The following NALF1 variants were observed in gnomAD, a reference collection of about 807,000 sequenced individuals.
NALF1 encodes the protein NALCN channel auxiliary factor 1.
In NALF1, 3 loss-of-function variants were observed where a neutral mutation model predicts 48.4. The observed-to-expected ratio is 0.06, with a 90% confidence interval of 0.03 to 0.16. The LOEUF (loss-of-function observed/expected upper bound fraction) is 0.16. NALF1 is among the 10% of genes least tolerant of loss of function. NALF1 has a pLI of 1.00. For synonymous variants in NALF1, 262 were observed against 245.7 expected (o/e 1.07, Z -0.62); for missense variants, 526 against 571.5 (o/e 0.92, Z 0.81).
At chr13:107,613,641 C>G (rs1316423124) in intron 1 of NALF1, among the ~76,000 whole-genome samples, 1 of 152,196 alleles carries the variant, frequency 6.6e-6, no homozygotes, top group African/African-American at 2.4e-5. Flanking sequence ...AAAAACAAAT[C>G]ACTACTTTAT....
At chr13:107,381,425 T>G (rs934810617) in intron 1 of NALF1, among the ~76,000 whole-genome samples, 4 of 152,068 alleles carry the variant, frequency 2.6e-5, no homozygotes, top group African/African-American at 9.7e-5. Context: ...CTTGAACTCC[T>G]GGGCTCAAAC....
intron 1 of NALF1, among the ~76,000 whole-genome samples, chr13:107,845,301 A>C (rs1257994237): frequency 1.3e-5 from 2 of 152,200 alleles, no homozygotes. Flanking sequence ...TCCTTTTCCA[A>C]GTGGTGATGA....
intron 1 of NALF1, among the ~76,000 whole-genome samples, chr13:107,228,773 A>C (rs1880159860): frequency 6.6e-6 from 1 of 152,050 alleles, no homozygotes; most frequent in South Asian, 2.1e-4. Flanking sequence ...GGCATGCGCC[A>C]CCACACCCGG....
chr13:107,847,098 AAAAG>A (rs1184765919), intron 1 of NALF1, among the ~76,000 whole-genome samples: 1 of 152,160 alleles, frequency 6.6e-6, no homozygotes, highest in African/African-American at 2.4e-5. Flanking sequence ...TTTGGGGAAA[AAAAG>A]AAAACTTGAA....
chr13:107,204,865 C>A (rs1021472852), intron 2 of NALF1, among the ~76,000 whole-genome samples: 3 of 151,492 alleles, frequency 2.0e-5, no homozygotes, highest in African/African-American at 4.9e-5. Flanking sequence ...GAAAAAAAAA[C>A]CTGATTTTAA....
At chr13:107,830,974 T>C (rs1306249910) in intron 1 of NALF1, among the ~76,000 whole-genome samples, 1 of 152,210 alleles carries the variant, frequency 6.6e-6, no homozygotes, top group Non-Finnish European at 1.5e-5. Context: ...GCAAAGAGCA[T>C]GGGCTGACAG....
chr13:107,720,203 C>G (rs1432148820), intron 1 of NALF1, among the ~76,000 whole-genome samples: 1 of 152,174 alleles, frequency 6.6e-6, no homozygotes, highest in Non-Finnish European at 1.5e-5. Context: ...ATAATGTGCT[C>G]TATTCAATTT....
chr13:107,264,835 T>G (rs1881008496), intron 1 of NALF1, among the ~76,000 whole-genome samples: 1 of 152,220 alleles, frequency 6.6e-6, no homozygotes, highest in African/African-American at 2.4e-5. Context: ...GACTTTGACA[T>G]TGTTCATTTT....
intron 1 of NALF1, among the ~76,000 whole-genome samples, chr13:107,422,504 C>T (rs1298191022): frequency 6.8e-6 from 1 of 148,110 alleles, no homozygotes; most frequent in Non-Finnish European, 1.5e-5. Context: ...ATCATCATCA[C>T]ATTCAGGACA....
intron 1 of NALF1, among the ~76,000 whole-genome samples, chr13:107,453,698 T>G (rs1884779986): frequency 1.3e-5 from 2 of 152,248 alleles, no homozygotes; most frequent in Non-Finnish European, 2.9e-5. Context: ...CTTGGATTTC[T>G]CCTAAGGAAA....
chr13:107,529,688 G>A (rs767040151), intron 1 of NALF1, among the ~76,000 whole-genome samples: 4 of 152,116 alleles, frequency 2.6e-5, no homozygotes, highest in Non-Finnish European at 4.4e-5. Context: ...TGTGTGTGAT[G>A]ATTGGAAGAT....
chr13:107,604,855 T>C (rs1212151775), intron 1 of NALF1, among the ~76,000 whole-genome samples: 1 of 152,096 alleles, frequency 6.6e-6, no homozygotes, highest in African/African-American at 2.4e-5. Flanking sequence ...CCTCTCAATC[T>C]CATGTTAGCC....
At chr13:107,439,963 C>T (rs1240299059) in intron 1 of NALF1, among the ~76,000 whole-genome samples, 1 of 152,130 alleles carries the variant, frequency 6.6e-6, no homozygotes, top group African/African-American at 2.4e-5. Flanking sequence ...GAAAAAAAAC[C>T]TACCTGCTTT....
Position 107,516,700 on chromosome 13 carries a change from G to A in NALF1, c.916-305945C>T, listed in dbSNP as rs562318853. The stretch of plus-strand genomic sequence containing the variant: ...TGAATACAGCATGCAGGGACTCTGA[G>A]TGCAATCACATTCCAGCTTTCCAAA... On this transcript the variant is annotated intron_variant, in intron 1 of 2. Transcript: ENST00000375915. Among the ~76,000 whole-genome samples the A allele has an allele frequency of 1.4e-4, 21 of 152,232 alleles. No individual in the cohort carries two copies. In the South Asian group the frequency reaches 2.3e-3, roughly 17 times the overall value.
chr13:107,647,326 T>G (rs1880339410), intron 1 of NALF1, among the ~76,000 whole-genome samples: 1 of 152,072 alleles, frequency 6.6e-6, no homozygotes, highest in Admixed American at 6.6e-5. Context: ...TTCAAAATTT[T>G]GTCCTTTTTT....
chr13:107,193,907 A>G (rs1282153784), intron 2 of NALF1, among the ~76,000 whole-genome samples: 2 of 151,890 alleles, frequency 1.3e-5, no homozygotes, highest in African/African-American at 4.8e-5. Flanking sequence ...CACTAGAGAG[A>G]GAGAGAGCTG....
At chr13:107,555,743 T>C (rs1203274660) in intron 1 of NALF1, among the ~76,000 whole-genome samples, 1 of 152,042 alleles carries the variant, frequency 6.6e-6, no homozygotes, top group Non-Finnish European at 1.5e-5. Flanking sequence ...GGTGTCATCA[T>C]CTCTATGTAT....
At chr13:107,270,296 A>G (rs1311490833) in intron 1 of NALF1, among the ~76,000 whole-genome samples, 1 of 152,126 alleles carries the variant, frequency 6.6e-6, no homozygotes, top group Non-Finnish European at 1.5e-5. Context: ...TTTTACTGCA[A>G]TCTCATTTAT....
rs1880367711 is a variant in NALF1 at position 107,853,432 on chromosome 13, T to C, written c.915+12250A>G. 3.3e-5 allele frequency among the ~76,000 whole-genome samples: 5 copies of C among 152,224 alleles called. No individual in the cohort carries two copies. The South Asian group carries it at 1.0e-3, about 31-fold the overall frequency. On this transcript the variant is annotated intron_variant, in intron 1 of 2. Coordinates refer to ENST00000375915, the MANE Select transcript of NALF1 (RefSeq NM_001080396.3). ...AGTTATTTATGGGTCTTAGTTTCTT[T>C]TCCTGTGGACACAGTCAAAAAGGGA...
Sources: gnomAD v4.1 joint callset for allele counts (sites outside exome capture counted in the v4.1 genomes callset) on GRCh38, gnomAD v4.1.1 for gene constraint, MANE v1.5 for transcripts, NCBI Gene and HGNC (gene_info 2026-07-23, HGNC 2026-07-21) for gene names.